NDST3: variants seen among roughly 807,000 people sequenced by gnomAD.
The protein encoded by NDST3 is N-deacetylase and N-sulfotransferase 3, also known as bifunctional heparan sulfate N-deacetylase/N-sulfotransferase 3.
NDST3 carries 58 observed loss-of-function variants against 96.1 expected under a neutral mutation model. The ratio of observed to expected loss-of-function variants is 0.60; its 90% CI spans 0.49 to 0.75. The LOEUF (loss-of-function observed/expected upper bound fraction) is 0.75, where lower values mean the gene tolerates loss of function less well. NDST3 is among the 30% of genes least tolerant of loss of function. The pLI is 0.00. For missense variants in NDST3, 788 were observed against 1,034.2 expected (o/e 0.76, Z 3.27); for synonymous variants, 333 against 359.7 (o/e 0.93, Z 0.84).
At chr4:118,036,667 T>C (rs1724168566) in intron 1 of NDST3, among the ~76,000 whole-genome samples, 2 of 152,230 alleles carry the variant, frequency 1.3e-5, no homozygotes, top group South Asian at 4.1e-4. Context: ...TCTTGGTTTG[T>C]CTGTTTGTTT....
At chr4:118,183,125 C>T (rs1736709235) in intron 6 of NDST3, among the ~76,000 whole-genome samples, 1 of 152,150 alleles carries the variant, frequency 6.6e-6, no homozygotes, top group African/African-American at 2.4e-5. Flanking sequence ...GAAAATTTTA[C>T]CTTCCATTCT....
intron 1 of NDST3, among the ~76,000 whole-genome samples, chr4:118,051,234 C>T (rs1355417619): frequency 6.6e-6 from 1 of 151,894 alleles, no homozygotes; most frequent in East Asian, 1.9e-4. Context: ...GGTAATTTGC[C>T]TAGGCTGTAA....
intron 2 of NDST3, among the ~76,000 whole-genome samples, chr4:118,065,017 G>A (rs1726192803): frequency 6.6e-6 from 1 of 152,000 alleles, no homozygotes; most frequent in South Asian, 2.1e-4. Flanking sequence ...GGATCCGTAT[G>A]GCCCACCTGG....
chr4:118,249,207 C>T (rs949380015), intron 12 of NDST3, among the ~76,000 whole-genome samples: 1 of 152,174 alleles, frequency 6.6e-6, no homozygotes, highest in African/African-American at 2.4e-5. Context: ...CATTTTAATA[C>T]ACAGCATATG....
intron 2 of NDST3, among the ~76,000 whole-genome samples, chr4:118,071,630 G>C (rs1370508299): frequency 6.6e-6 from 1 of 152,010 alleles, no homozygotes; most frequent in African/African-American, 2.4e-5. Context: ...ATATTCCATG[G>C]CATATATTTA....
At chr4:118,068,736 C>T (rs771308938) in intron 2 of NDST3, among the ~76,000 whole-genome samples, 95 of 152,084 alleles carry the variant, frequency 6.2e-4, no homozygotes, top group Non-Finnish European at 1.1e-3. Flanking sequence ...ATATGAAGAC[C>T]TGGGTCCTAT....
rs145704047 is a variant in NDST3, at chr4:118,049,966, T to C, written c.-155-3790T>C. Among the ~76,000 whole-genome samples, 6 of 152,136 alleles carry C rather than the reference T, an allele frequency of 3.9e-5. No individual in the cohort carries two copies. The East Asian group carries it at 7.7e-4, about 20-fold the overall frequency. On this transcript the variant is annotated intron_variant, in intron 1 of 13. Transcript: ENST00000296499. ...CTTAGGCCAATATCTCCGATGAACA[T>C]AGATGCAGAAATTCTCAACCAAATA... is the stretch of plus-strand genomic sequence containing the variant.
At chr4:118,077,201 T>TG (rs34994076) in intron 2 of NDST3, among the ~76,000 whole-genome samples, 11 of 152,038 alleles carry the variant, frequency 7.2e-5, no homozygotes, top group Non-Finnish European at 1.5e-4. Context: ...CACACTCTGA[T>TG]GGGGGGGTGC....
chr4:118,179,943 G>A (rs1470807003), intron 6 of NDST3, among the ~76,000 whole-genome samples: 3 of 152,054 alleles, frequency 2.0e-5, no homozygotes, highest in Non-Finnish European at 4.4e-5. Context: ...CTACAAGGAA[G>A]GCTCTTCAAT....
chr4:118,109,638 G>A (rs1021658540), intron 3 of NDST3, among the ~76,000 whole-genome samples: 3 of 152,288 alleles, frequency 2.0e-5, no homozygotes, highest in African/African-American at 7.2e-5. Flanking sequence ...AACTTAGCCA[G>A]GGTTGTCTAA....
chr4:118,055,635 T>A (rs1278338988), intron 2 of NDST3: 1 of 151,974 alleles, frequency 6.6e-6, no homozygotes, highest in Non-Finnish European at 1.5e-5. Context: ...TATTAAAAAA[T>A]TTTAAAATTA....
intron 6 of NDST3, among the ~76,000 whole-genome samples, chr4:118,192,478 T>A (rs1737371206): frequency 6.6e-6 from 1 of 152,184 alleles, no homozygotes; most frequent in African/African-American, 2.4e-5. Flanking sequence ...GAGATAGGCA[T>A]CTAGTTTCAT....
Position 118,053,736 on chromosome 4 carries a change from T to C in NDST3, c.-155-20T>C, listed in dbSNP as rs1161144459. 16 of 646,792 alleles carry C rather than the reference T, an allele frequency of 2.5e-5. No homozygotes were observed. Among genetic ancestry groups the C allele is most frequent in the Non-Finnish European group, 3.7e-5 (15 of 403,434 alleles). 40.1% of individuals were successfully genotyped at this position (646,792 alleles called of 1,614,324 possible). A position where few individuals can be genotyped will look rare whatever the true frequency, so the allele number is the denominator to read the frequency against. ...TTAATGCTGCAAACTGACTGTTTTA[T>C]ATTCTTTTCTATTTTTCAGACTGTA... On this transcript the variant is annotated intron_variant, in intron 1 of 13. Transcript: ENST00000296499.
intron 4 of NDST3, among the ~76,000 whole-genome samples, chr4:118,136,309 A>G (rs375567331): frequency 2.0e-5 from 3 of 152,238 alleles, no homozygotes; most frequent in African/African-American, 4.8e-5. Context: ...AAGTTACTTC[A>G]GCACATTTTT....
intron 6 of NDST3, among the ~76,000 whole-genome samples, chr4:118,216,018 G>A (rs992681930): frequency 2.0e-5 from 3 of 152,060 alleles, no homozygotes; most frequent in Non-Finnish European, 4.4e-5. Context: ...TTGAGATTGG[G>A]GACCATATGC....
intron 6 of NDST3, among the ~76,000 whole-genome samples, chr4:118,173,153 T>C (rs1736063009): frequency 1.3e-5 from 2 of 149,058 alleles, no homozygotes; most frequent in South Asian, 4.4e-4. Context: ...TGTGTGTGTG[T>C]GTATATATAT....
At chr4:118,226,769 C>A in intron 7 of NDST3, 117 bp from the exon 8 acceptor site, 1 of 690,118 alleles carries the variant, frequency 1.4e-6, no homozygotes, top group Non-Finnish European at 2.4e-6. Context: ...TTAAAAGAGT[C>A]TATTTTTTAT....
chr4:118,190,105 G>T (rs573952443), intron 6 of NDST3, among the ~76,000 whole-genome samples: 1 of 151,026 alleles, frequency 6.6e-6, no homozygotes, highest in African/African-American at 2.4e-5. Context: ...TATACATTCT[G>T]TATACAGAAT....
At chr4:118,102,823 A>T (rs1363680910) in intron 2 of NDST3, among the ~76,000 whole-genome samples, 1 of 152,162 alleles carries the variant, frequency 6.6e-6, no homozygotes, top group Admixed American at 6.6e-5. Context: ...AGTATATAAA[A>T]TATCATCTAG....
Sources: gnomAD v4.1 joint callset for allele counts (sites outside exome capture counted in the v4.1 genomes callset) on GRCh38, gnomAD v4.1.1 for gene constraint, MANE v1.5 for transcripts, NCBI Gene and HGNC (gene_info 2026-07-23, HGNC 2026-07-21) for gene names.